Variants in TRIP11 observed in about 807,000 individuals in gnomAD.
TRIP11 encodes the protein thyroid receptor-interacting protein 11.
Under a neutral mutation model 223.1 loss-of-function variants are expected in TRIP11, and 148 were observed. The observed-to-expected ratio is 0.66, with a 90% CI of 0.58 to 0.76. The LOEUF (loss-of-function observed/expected upper bound fraction) is 0.76, where lower values mean the gene tolerates loss of function less well. Ranked by LOEUF, TRIP11 falls within the 30% of genes least tolerant of loss-of-function variation. The pLI is 0.00. For missense variants in TRIP11, 2,043 were observed against 2,222.0 expected (o/e 0.92, Z 1.62); for synonymous variants, 762 against 772.6 (o/e 0.99, Z 0.23).
Position 92,005,394 on chromosome 14 carries a change from T to A in TRIP11, c.2582A>T (p.Glu861Val). The stretch of plus-strand genomic sequence containing the variant: ...CAATTCTTCTTGCAGATGATTATTT[T>A]CCTCTTTCATGGATCCAAGACTTCG... Reference protein sequence around the residue: ...KDRSLGSMKEENNHLQEELER... With the variant: ...KDRSLGSMKEVNNHLQEELER... Residue 861 changes from glutamate to valine, a missense_variant, in exon 11 of 21, where the codon GAA becomes GTA. By Grantham distance (121) the Glu-to-Val change is moderately radical. Coordinates refer to ENST00000267622, the MANE Select transcript of TRIP11 (RefSeq NM_004239.4). 6.2e-7 allele frequency: 1 copy of A among 1,614,182 alleles called. No homozygotes were observed. The highest frequency in any genetic ancestry group is 8.5e-7 in the Non-Finnish European group (1 of 1,180,044).
In TRIP11 at chr14:92,019,338, C is replaced by T. The variant is rs1389147248; in HGVS notation, c.589-1588G>A. Among the ~76,000 whole-genome samples the T allele has an allele frequency of 2.0e-5, 3 of 152,110 alleles. 1 individual carries two copies. The highest frequency in any genetic ancestry group is 7.2e-5 in the African/African-American group (3 of 41,416). Reference sequence around the variant, plus strand: ...ATTTGTTTAAATGCAGTTTAAGGCCCTAAAACTGGCTAACAAATTGATATC... The same window carrying T: ...ATTTGTTTAAATGCAGTTTAAGGCCTTAAAACTGGCTAACAAATTGATATC... On this transcript the variant is annotated intron_variant, in intron 4 of 20. Coordinates refer to ENST00000267622, the MANE Select transcript of TRIP11 (RefSeq NM_004239.4).
rs1382064461 is a variant in TRIP11 at position 91,966,902 on chromosome 14, T to C, written c.*2771A>G. The C allele has an allele frequency of 3.3e-5, 7 of 213,798 alleles. No homozygotes were observed. The highest frequency in any genetic ancestry group is 1.4e-3 in the Middle Eastern group (1 of 702). 13.2% of individuals were successfully genotyped at this position (213,798 alleles called of 1,614,324 possible). A position where few individuals can be genotyped will look rare whatever the true frequency, so the allele number is the denominator to read the frequency against. ...AGAGAAATAAACAGAAAAATTACTG[T>C]AGTTAAAATATTGCAGTTAAACGCA... On this transcript the variant is annotated 3_prime_UTR_variant, in exon 21 of 21. Coordinates refer to ENST00000267622, the MANE Select transcript of TRIP11 (RefSeq NM_004239.4).
At chr14:92,019,680 C>T (rs1229521044) in intron 4 of TRIP11, among the ~76,000 whole-genome samples, 2 of 152,150 alleles carry the variant, frequency 1.3e-5, no homozygotes, top group Non-Finnish European at 2.9e-5. Flanking sequence ...CTCATGTCTA[C>T]AATTTCCATA....
At position 92,035,110 on chromosome 14, in the gene TRIP11, C is replaced by A. The variant is rs535784611; in HGVS notation, c.140-1857G>T. On this transcript the variant is annotated intron_variant, in intron 1 of 20. Coordinates refer to ENST00000267622, the MANE Select transcript of TRIP11 (RefSeq NM_004239.4). ...ACTTGAGGTCAGGAGTTCAAGACAA[C>A]CCTGGCCAATATGGCAAAACTCCAT... is the stretch of plus-strand genomic sequence containing the variant. 2.3e-4 allele frequency among the ~76,000 whole-genome samples: 35 copies of A among 151,012 alleles called. No homozygotes were observed. In the South Asian group the frequency reaches 4.7e-3, roughly 20 times the overall value.
Position 92,005,339 on chromosome 14 carries a change from G to T in TRIP11, c.2637C>A (p.Thr879=). ...GGGTTTTAGGGTCAGCCACAGGTGC[G>T]GTTCGACTCTGCTCTTCCCTGAGTC... ...LERLREEQSR[T]APVADPKTLD... Residue 879 remains threonine (T), a synonymous_variant, in exon 11 of 21, where the codon ACC becomes ACA. Coordinates refer to ENST00000267622, the MANE Select transcript of TRIP11 (RefSeq NM_004239.4). 1 of 1,614,064 alleles carries T rather than the reference G, an allele frequency of 6.2e-7. No homozygotes were observed. The highest frequency in any genetic ancestry group is 8.5e-7 in the Non-Finnish European group (1 of 1,180,010).
Position 92,004,421 on chromosome 14 carries a change from T to G in TRIP11, c.3555A>C (p.Ala1185=), listed in dbSNP as rs746358143. The stretch of plus-strand genomic sequence containing the variant: ...TACCAGTGCTGGATGTTTGTAAAAC[T>G]GCCAATAAAGTCTGACATTTCTGAC... The part of the protein sequence containing the change: ...ALSQKCQTLL[A]VLQTSSTGNE... Residue 1185 remains alanine, a synonymous_variant, in exon 11 of 21, where the codon GCA becomes GCC. Coordinates refer to ENST00000267622, the MANE Select transcript of TRIP11 (RefSeq NM_004239.4). 1 of 1,614,064 alleles carries G rather than the reference T, an allele frequency of 6.2e-7. No individual in the cohort carries two copies. Among genetic ancestry groups the G allele is most frequent in the Non-Finnish European group, 8.5e-7 (1 of 1,180,020 alleles).
chr14:92,026,982 A>G (rs774280530), intron 2 of TRIP11: 3 of 878,482 alleles, frequency 3.4e-6, no homozygotes, highest in Non-Finnish European at 5.4e-6. Context: ...GTCACCTTCA[A>G]GTAGAGAGGC....
intron 20 of TRIP11, among the ~76,000 whole-genome samples, chr14:91,970,497 T>A (rs2056388723): frequency 6.6e-6 from 1 of 152,156 alleles, no homozygotes; most frequent in Non-Finnish European, 1.5e-5. Context: ...TTTGTATGGC[T>A]AAAATCTGAC....
Position 92,006,264 on chromosome 14 carries a change from A to C in TRIP11, c.1712T>G (p.Leu571Arg). 2 of 1,612,256 alleles carry C rather than the reference A, an allele frequency of 1.2e-6. No individual in the cohort carries two copies. Among genetic ancestry groups the C allele is most frequent in the South Asian group, 2.2e-5 (2 of 90,514 alleles). Residue 571 changes from leucine to arginine, a missense_variant, in exon 11 of 21, where the codon CTA becomes CGA. By Grantham distance (102) the Leu-to-Arg change is moderately radical. Coordinates refer to ENST00000267622, the MANE Select transcript of TRIP11 (RefSeq NM_004239.4). ...KEKLIQSEVA[L>R]NDLHLTKQKL... ...CTGCTTGGTTAAATGTAAATCATTT[A>C]GGGCCACTTCACTTTGAATTAGCTT...
At chr14:91,975,334 A>T in intron 17 of TRIP11, 48 bp from the exon 18 acceptor site, 3 of 1,139,312 alleles carry the variant, frequency 2.6e-6, no homozygotes, top group Non-Finnish European at 4.0e-6. Flanking sequence ...AACATTAAGT[A>T]CACTCAAACA....
chr14:91,993,424 C>T (rs1024279043), intron 15 of TRIP11, among the ~76,000 whole-genome samples: 7 of 133,992 alleles, frequency 5.2e-5, no homozygotes, highest in African/African-American at 8.7e-5. Context: ...TGCGGTGGGT[C>T]GAGATCACGC....
rs559110517 is a variant in TRIP11 at position 92,024,138 on chromosome 14, G to A, written c.312+1172C>T. On this transcript the variant is annotated intron_variant, in intron 3 of 20. Transcript: ENST00000267622. ...CACGCCTGTAATCCCAACACTTTGG[G>A]AGGCCAAGGCGGGCAGATCACCTGA... Among the ~76,000 whole-genome samples the A allele has an allele frequency of 1.2e-4, 19 of 152,262 alleles. No individual in the cohort carries two copies. In the East Asian group the frequency reaches 3.7e-3, roughly 29 times the overall value.
intron 2 of TRIP11, among the ~76,000 whole-genome samples, chr14:92,029,264 C>T (rs1170625010): frequency 2.1e-5 from 3 of 146,282 alleles, no homozygotes; most frequent in Admixed American, 6.8e-5. Flanking sequence ...TTTCTGACTG[C>T]ATTGCCCAAA....
chr14:92,026,375 T>TCG (rs2057187134), intron 2 of TRIP11, among the ~76,000 whole-genome samples: 1 of 152,240 alleles, frequency 6.6e-6, no homozygotes, highest in Admixed American at 6.5e-5. Flanking sequence ...TATCTTAACC[T>TCG]ATTATCATTC....
intron 2 of TRIP11, among the ~76,000 whole-genome samples, chr14:92,030,217 A>G (rs1179259158): frequency 3.3e-5 from 5 of 151,136 alleles, no homozygotes; most frequent in Non-Finnish European, 5.9e-5. Flanking sequence ...AAAAAAAAAA[A>G]AAAAAAAAGA....
chr14:92,018,950 G>A (rs954665799), intron 4 of TRIP11, among the ~76,000 whole-genome samples: 5 of 97,446 alleles, frequency 5.1e-5, no homozygotes, highest in Non-Finnish European at 9.1e-5. Flanking sequence ...GACAGAGCAA[G>A]ACTCCATCTC....
At position 91,968,489 on chromosome 14, in the gene TRIP11, G is replaced by A. The variant is rs947672512; in HGVS notation, c.*1184C>T. On this transcript the variant is annotated 3_prime_UTR_variant, in exon 21 of 21. Coordinates refer to ENST00000267622, the MANE Select transcript of TRIP11 (RefSeq NM_004239.4). ...TTGCTGTACCTCATATGTCAACACC[G>A]CAGACGGAGGCAGGAAGTGGCATGT... 2.3e-5 allele frequency: 5 copies of A among 214,722 alleles called. No individual in the cohort carries two copies. Among genetic ancestry groups the A allele is most frequent in the African/African-American group, 6.8e-5 (3 of 44,252 alleles). 13.3% of individuals were successfully genotyped at this position (214,722 alleles called of 1,614,324 possible). A position where few individuals can be genotyped will look rare whatever the true frequency, so the allele number is the denominator to read the frequency against.
At chr14:91,990,004 T>C (rs529989817) in intron 15 of TRIP11, among the ~76,000 whole-genome samples, 1 of 152,244 alleles carries the variant, frequency 6.6e-6, no homozygotes, top group East Asian at 1.9e-4. Context: ...CCATCTTGAC[T>C]GCCAACCCTA....
In TRIP11 at chr14:92,039,826, G is replaced by A; in HGVS notation, c.-141C>T. 1 of 1,525,844 alleles carries A rather than the reference G, an allele frequency of 6.6e-7. No individual in the cohort carries two copies. Among genetic ancestry groups the A allele is most frequent in the Non-Finnish European group, 8.8e-7 (1 of 1,130,214 alleles). The allele number at this position is 1,525,844 out of a possible 1,614,324, so 94.5% of individuals were successfully genotyped here. Reference sequence around the variant, plus strand: ...ACACAAAGCTGGGTTCTCAGGCAAGGCCGACTCCAGGTTCTGCCTAGAAAC... The same window carrying A: ...ACACAAAGCTGGGTTCTCAGGCAAGACCGACTCCAGGTTCTGCCTAGAAAC... On this transcript the variant is annotated 5_prime_UTR_variant, in exon 1 of 21. Coordinates refer to ENST00000267622, the MANE Select transcript of TRIP11 (RefSeq NM_004239.4).
Sources: allele counts gnomAD v4.1 joint callset (sites outside exome capture counted in the v4.1 genomes callset), GRCh38; gene constraint gnomAD v4.1.1; transcripts MANE v1.5; gene names NCBI Gene and HGNC (gene_info 2026-07-23, HGNC 2026-07-21).